The following CHN2 variants were observed in gnomAD, a reference collection of about 807,000 sequenced individuals.
The protein encoded by CHN2 is chimerin 2, also known as beta-chimaerin.
In CHN2, 35 loss-of-function variants were observed where a neutral mutation model predicts 56.3. The ratio of observed to expected loss-of-function variants is 0.62; its 90% CI spans 0.47 to 0.82. CHN2 has a LOEUF of 0.82. Among genes scored for constraint, CHN2 ranks in the 40% least tolerant of loss-of-function variants. CHN2 has a pLI of 0.00. For missense variants in CHN2, 491 were observed against 580.5 expected (o/e 0.85, Z 1.58); for synonymous variants, 210 against 212.8 (o/e 0.99, Z 0.12).
In CHN2 at chr7:29,412,320, C is replaced by CTTTTTTTTTTTTT. The variant is rs1158746299; in HGVS notation, c.576+11508_576+11520dup. 4.3e-5 allele frequency among the ~76,000 whole-genome samples: 3 copies of CTTTTTTTTTTTTT among 69,504 alleles called. 1 individual carries two copies. Among genetic ancestry groups the CTTTTTTTTTTTTT allele is most frequent in the African/African-American group, 1.9e-4 (3 of 16,108 alleles). 45.6% of individuals were successfully genotyped at this position (69,504 alleles called of 152,430 possible). On this transcript the variant is annotated intron_variant, in intron 6 of 12. Coordinates refer to ENST00000222792, the MANE Select transcript of CHN2 (RefSeq NM_004067.4). ...AGATTAAGGCGCTCTGCTAAAGAGT[C>CTTTTTTTTTTTTT]TTTTTTTTTTTTTTTTTTTTTTTTT...
At chr7:29,466,370 T>G (rs1366085829) in intron 6 of CHN2, among the ~76,000 whole-genome samples, 1 of 152,212 alleles carries the variant, frequency 6.6e-6, no homozygotes, top group Non-Finnish European at 1.5e-5. Flanking sequence ...ATGATAATAT[T>G]CATTATTCTT....
chr7:29,429,142 A>T (rs1035718631), intron 6 of CHN2, among the ~76,000 whole-genome samples: 1 of 152,206 alleles, frequency 6.6e-6, no homozygotes, highest in Admixed American at 6.5e-5. Flanking sequence ...TGCCCTATGC[A>T]TATCACAAGT....
chr7:29,347,496 C>G (rs1797543419), intron 1 of CHN2, among the ~76,000 whole-genome samples: 1 of 152,140 alleles, frequency 6.6e-6, no homozygotes, highest in African/African-American at 2.4e-5. Context: ...CAGGCACCTT[C>G]TTCACAAGGT....
At chr7:29,464,198 G>A (rs939195505) in intron 6 of CHN2, among the ~76,000 whole-genome samples, 2 of 152,144 alleles carry the variant, frequency 1.3e-5, no homozygotes, top group African/African-American at 4.8e-5. Flanking sequence ...TAGAAACTAT[G>A]TGTATTGCCT....
chr7:29,495,849 C>A lies in CHN2; in HGVS notation c.655-103C>A, dbSNP rs960070095. 2.9e-5 allele frequency: 25 copies of A among 864,984 alleles called. No homozygotes were observed. The African/African-American group carries it at 4.1e-4, about 14-fold the overall frequency. 53.6% of individuals were successfully genotyped at this position (864,984 alleles called of 1,614,324 possible). On this transcript the variant is annotated intron_variant, in intron 7 of 12. Coordinates refer to ENST00000222792, the MANE Select transcript of CHN2 (RefSeq NM_004067.4). ...CAACTGCTTTACTGGAAGGAAAAGC[C>A]CAGTGGGGGATCGCTCCTGCTGATC...
chr7:29,509,392 G>C lies in CHN2; in HGVS notation c.1221G>C (p.Met407Ile). Residue 407 changes from methionine (M) to isoleucine (I), a missense_variant, in exon 12 of 13, where the codon ATG becomes ATC. Met to Ile is a conservative substitution (Grantham distance 10, BLOSUM62 1). Coordinates refer to ENST00000222792, the MANE Select transcript of CHN2 (RefSeq NM_004067.4). ...ACTATGAAACCCTCCGGTACCTAAT[G>C]ATCCACCTCAAAAAGTAAGCTCATG... ...PAHYETLRYL[M>I]IHLKKVTMNE... The C allele has an allele frequency of 1.9e-6, 3 of 1,613,626 alleles. No homozygotes were observed. The highest frequency in any genetic ancestry group is 2.5e-6 in the Non-Finnish European group (3 of 1,179,626).
chr7:29,423,027 A>T (rs1804501069), intron 6 of CHN2, among the ~76,000 whole-genome samples: 1 of 152,176 alleles, frequency 6.6e-6, no homozygotes, highest in Non-Finnish European at 1.5e-5. Context: ...GCTGCTTTTG[A>T]CTTTGGCCTG....
intron 2 of CHN2, among the ~76,000 whole-genome samples, chr7:29,354,975 T>TATTTATTTA (rs1554278453): frequency 5.8e-5 from 4 of 69,210 alleles, no homozygotes; most frequent in African/African-American, 1.5e-4. Flanking sequence ...TTTATTTATT[T>TATTTATTTA]TTTATTTATT....
intron 6 of CHN2, among the ~76,000 whole-genome samples, chr7:29,438,692 C>A (rs568773072): frequency 6.6e-6 from 1 of 152,336 alleles, no homozygotes; most frequent in Non-Finnish European, 1.5e-5. Context: ...CCTCTTTCCT[C>A]TCCTCTTATG....
rs142043636 is a variant in CHN2, at chr7:29,302,330, C to T, written c.50-52295C>T. Among the ~76,000 whole-genome samples the T allele has an allele frequency of 6.3e-3, 946 of 151,278 alleles. 5 individuals carry two copies. Among genetic ancestry groups the T allele is most frequent in the African/African-American group, 0.022 (886 of 41,180 alleles). ...TCTTCTCCTTCCTTCCTTCTTTCTT[C>T]GTATTTCTTCTTTCTTCTTCCAGAG... On this transcript the variant is annotated intron_variant, in intron 1 of 12. Transcript: ENST00000222792.
chr7:29,452,819 C>G (rs1396256572), intron 6 of CHN2, among the ~76,000 whole-genome samples: 1 of 152,150 alleles, frequency 6.6e-6, no homozygotes, highest in African/African-American at 2.4e-5. Context: ...TCCCGGAGAG[C>G]AAGAGCAGTG....
intron 7 of CHN2, among the ~76,000 whole-genome samples, chr7:29,481,533 G>C (rs1050277357): frequency 6.6e-6 from 1 of 152,124 alleles, no homozygotes; most frequent in Non-Finnish European, 1.5e-5. Context: ...GAATTATACA[G>C]CCCTACATAC....
chr7:29,365,474 A>G (rs957433456), intron 2 of CHN2, among the ~76,000 whole-genome samples: 12 of 152,262 alleles, frequency 7.9e-5, no homozygotes, highest in African/African-American at 2.4e-4. Context: ...TTGTAAGAGC[A>G]TAGACTAGGG....
intron 2 of CHN2, among the ~76,000 whole-genome samples, chr7:29,185,832 C>G (rs1478607450): frequency 6.6e-6 from 1 of 152,178 alleles, no homozygotes; most frequent in Non-Finnish European, 1.5e-5. Context: ...GGATGTGAAT[C>G]TGCATTTTAG....
intron 2 of CHN2, among the ~76,000 whole-genome samples, chr7:29,175,234 GCA>G: frequency 6.6e-6 from 1 of 151,760 alleles, no homozygotes; most frequent in South Asian, 2.1e-4. Context: ...GAGTGTAGTG[GCA>G]CGATCTCTGC....
intron 3 of CHN2, among the ~76,000 whole-genome samples, chr7:29,380,090 G>T (rs980444649): frequency 2.0e-5 from 3 of 152,132 alleles, no homozygotes; most frequent in African/African-American, 7.2e-5. Context: ...CTATCCCTGG[G>T]CAGGACTGTG....
intron 6 of CHN2, among the ~76,000 whole-genome samples, chr7:29,440,119 C>T (rs1783522036): frequency 6.6e-6 from 1 of 152,170 alleles, no homozygotes; most frequent in Non-Finnish European, 1.5e-5. Flanking sequence ...ACATTGAACA[C>T]AACTCCAAAT....
chr7:29,455,541 C>T (rs1784687636), intron 6 of CHN2, among the ~76,000 whole-genome samples: 2 of 152,194 alleles, frequency 1.3e-5, no homozygotes, highest in Admixed American at 1.3e-4. Context: ...CCCACCACTG[C>T]AGGAACTGTG....
At chr7:29,494,337 G>A (rs1789001186) in intron 7 of CHN2, among the ~76,000 whole-genome samples, 1 of 151,808 alleles carries the variant, frequency 6.6e-6, no homozygotes, top group African/African-American at 2.4e-5. Context: ...GATCTTCACA[G>A]CAGATTAACA....
Sources: allele counts gnomAD v4.1 joint callset (sites outside exome capture counted in the v4.1 genomes callset), GRCh38; gene constraint gnomAD v4.1.1; transcripts MANE v1.5; gene names NCBI Gene and HGNC (gene_info 2026-07-23, HGNC 2026-07-21).